The following SLC22A25 variants were observed in gnomAD, a reference collection of about 807,000 sequenced individuals.
The protein encoded by SLC22A25 is MGI:2442751, MGI:2385316, MGI:3042283, MGI:3645714, MGI:3605624, MGI:2442750.
In SLC22A25, 44 loss-of-function variants were observed where a neutral mutation model predicts 45.9. That is an observed-to-expected ratio of 0.96 (90% CI 0.75 to 1.23). The LOEUF is 1.23. Among genes scored for constraint, SLC22A25 ranks in the 50% most tolerant of loss-of-function variants. The pLI is 0.00. For synonymous variants in SLC22A25, 283 were observed against 238.6 expected (o/e 1.19, Z -1.72); for missense variants, 800 against 666.4 (o/e 1.20, Z -2.21).
At chr11:63,224,428 A>T (rs894453842) in intron 5 of SLC22A25, among the ~76,000 whole-genome samples, 2 of 152,054 alleles carry the variant, frequency 1.3e-5, no homozygotes, top group Non-Finnish European at 2.9e-5. Context: ...TTTACATTCA[A>T]TAATATTATT....
chr11:63,205,560 T>C (rs565092260), intron 7 of SLC22A25, among the ~76,000 whole-genome samples: 1 of 152,212 alleles, frequency 6.6e-6, no homozygotes, highest in East Asian at 1.9e-4. Context: ...CTAGATGAAA[T>C]GGATAAATTC....
rs2087538431 is a variant in SLC22A25 at position 63,161,906 on chromosome 11, T to C, written c.*1918A>G. On this transcript the variant is annotated 3_prime_UTR_variant, in exon 12 of 12. Transcript: ENST00000306494. ...CCACCAACAGTGTATGAGGGTTCCC[T>C]TTTCTCCACATTCTCACCAGCATTT... 6.6e-6 allele frequency among the ~76,000 whole-genome samples: 1 copy of C among 152,218 alleles called. No homozygotes were observed. Among genetic ancestry groups the C allele is most frequent in the Non-Finnish European group, 1.5e-5 (1 of 68,030 alleles).
chr11:63,171,511 A>G (rs1485477158), intron 9 of SLC22A25, among the ~76,000 whole-genome samples: 5 of 152,212 alleles, frequency 3.3e-5, no homozygotes, highest in African/African-American at 1.2e-4. Context: ...CTATTCATCA[A>G]CAATAGACAA....
chr11:63,218,805 T>C (rs759907622), intron 5 of SLC22A25, among the ~76,000 whole-genome samples: 1 of 152,216 alleles, frequency 6.6e-6, no homozygotes, highest in Non-Finnish European at 1.5e-5. Context: ...TGTAGACAAC[T>C]TGGACAATGT....
At chr11:63,166,660 A>C (rs930084617) in intron 9 of SLC22A25, 1 of 999,298 alleles carries the variant, frequency 1.0e-6, no homozygotes, top group African/African-American at 1.7e-5. Flanking sequence ...AGATCTAAGA[A>C]GCCAAAATTT....
intron 3 of SLC22A25, among the ~76,000 whole-genome samples, chr11:63,233,902 T>C (rs2090116892): frequency 6.6e-6 from 1 of 152,212 alleles, no homozygotes; most frequent in Non-Finnish European, 1.5e-5. Context: ...TACCCAGTAG[T>C]CATTCAGGAG....
intron 3 of SLC22A25, among the ~76,000 whole-genome samples, chr11:63,235,040 C>G (rs538379458): frequency 1.3e-5 from 2 of 152,162 alleles, no homozygotes; most frequent in Non-Finnish European, 1.5e-5. Context: ...TGTGGGTAAC[C>G]TGACCTTTCT....
intron 7 of SLC22A25, among the ~76,000 whole-genome samples, chr11:63,184,972 T>G (rs1454599012): frequency 6.6e-6 from 1 of 152,048 alleles, no homozygotes; most frequent in Non-Finnish European, 1.5e-5. Flanking sequence ...TGAAGTTCAC[T>G]GAGCTACAGG....
intron 9 of SLC22A25, among the ~76,000 whole-genome samples, chr11:63,169,636 C>T (rs976998528): frequency 6.6e-6 from 1 of 152,148 alleles, no homozygotes; most frequent in Admixed American, 6.5e-5. Context: ...TATATACACA[C>T]ACAACACAGG....
rs1565124349 is a variant in SLC22A25, at chr11:63,229,404, CAG to C, written c.247_248del (p.Leu83GlufsTer27). The C allele has an allele frequency of 1.2e-6, 2 of 1,614,092 alleles. No homozygotes were observed. Among genetic ancestry groups the C allele is most frequent in the Non-Finnish European group, 1.7e-6 (2 of 1,179,982 alleles). ...LRISIPFDSN[L>X]RPEKCRRFVH... is the part of the protein sequence containing the mutation. The stretch of plus-strand genomic sequence containing the variant: ...CAAAGCGACGACACTTCTCTGGCCT[CAG>C]ATTTGAGTCGAATGGGATGGAGATT... On this transcript the variant is annotated frameshift_variant, in exon 4 of 12. Transcript: ENST00000306494. LOFTEE classifies it high-confidence loss of function.
rs572648674 is a variant in SLC22A25 at position 63,169,829 on chromosome 11, A to G, written c.1071-3571T>C. On this transcript the variant is annotated intron_variant, in intron 9 of 11. Transcript: ENST00000306494. ...AAGTGGATCTCTAATAGACATCTACAGAACTCTCTACCCCAAATCAACAGA... is the reference window on the plus strand; with the variant it reads ...AAGTGGATCTCTAATAGACATCTACGGAACTCTCTACCCCAAATCAACAGA... Among the ~76,000 whole-genome samples the G allele has an allele frequency of 2.6e-5, 4 of 152,350 alleles. No individual in the cohort carries two copies. The South Asian group carries it at 8.3e-4, about 32-fold the overall frequency.
At chr11:63,166,570 A>G in intron 9 of SLC22A25, 2 of 1,046,530 alleles carry the variant, frequency 1.9e-6, no homozygotes, top group Non-Finnish European at 2.3e-6. Flanking sequence ...GGCATCAAAA[A>G]TCACTGCAAA....
intron 5 of SLC22A25, among the ~76,000 whole-genome samples, chr11:63,221,986 T>C (rs2089863369): frequency 1.3e-5 from 2 of 152,150 alleles, no homozygotes; most frequent in Admixed American, 1.3e-4. Flanking sequence ...TCCATTGGTC[T>C]ATGCATGTGT....
At chr11:63,218,775 T>C (rs891829441) in intron 5 of SLC22A25, among the ~76,000 whole-genome samples, 3 of 152,208 alleles carry the variant, frequency 2.0e-5, no homozygotes, top group African/African-American at 7.2e-5. Flanking sequence ...TTTATTATTT[T>C]CTGGGAAAGA....
chr11:63,210,328 T>C (rs1430587303), intron 7 of SLC22A25, among the ~76,000 whole-genome samples: 1 of 152,200 alleles, frequency 6.6e-6, no homozygotes. Context: ...CAGCTTGATT[T>C]ATAGCTGCTG....
chr11:63,183,578 G>C lies in SLC22A25; in HGVS notation c.954+116C>G, dbSNP rs575895125. The C allele has an allele frequency of 2.4e-5, 32 of 1,325,324 alleles. No homozygotes were observed. The African/African-American group carries it at 3.5e-4, about 14-fold the overall frequency. 82.1% of individuals were successfully genotyped at this position (1,325,324 alleles called of 1,614,324 possible). Reference sequence around the variant, plus strand: ...CCCATTGAGAATGATCGTGAGGTGAGATGACCCATAACTCTACCTGTGTTT... The same window carrying C: ...CCCATTGAGAATGATCGTGAGGTGACATGACCCATAACTCTACCTGTGTTT... On this transcript the variant is annotated intron_variant, in intron 8 of 11. Coordinates refer to ENST00000306494, the MANE Select transcript of SLC22A25 (RefSeq NM_199352.6).
rs1383672991 is a variant in SLC22A25, at chr11:63,180,861, A to T, written c.955-86T>A. On this transcript the variant is annotated intron_variant, in intron 8 of 11. Coordinates refer to ENST00000306494, the MANE Select transcript of SLC22A25 (RefSeq NM_199352.6). Reference sequence around the variant, plus strand: ...AGGACTTGTCAACCAACAGATGACAAGATAGATGACATCCCTTTCTGTCTA... The same window carrying T: ...AGGACTTGTCAACCAACAGATGACATGATAGATGACATCCCTTTCTGTCTA... 6 of 864,778 alleles carry T rather than the reference A, an allele frequency of 6.9e-6. No homozygotes were observed. The East Asian group carries it at 1.5e-4, about 22-fold the overall frequency. 53.6% of individuals were successfully genotyped at this position (864,778 alleles called of 1,614,324 possible). A position where few individuals can be genotyped will look rare whatever the true frequency, so the allele number is the denominator to read the frequency against.
At position 63,217,343 on chromosome 11, in the gene SLC22A25, T is replaced by C. The variant is rs1437498539; in HGVS notation, c.801A>G (p.Ala267=). Reference sequence around the variant, plus strand: ...AGAACAGAAAGAAGACAAAGCATGGTGCAGACATCACCAACTGGAGGATGC... The same window carrying C: ...AGAACAGAAAGAAGACAAAGCATGGCGCAGACATCACCAACTGGAGGATGC... ...DQCILQLVMS[A]PCFVFFLFSR... The change falls in exon 7 of 12, where the codon GCA becomes GCG. Residue 267 remains alanine, a synonymous_variant. Transcript: ENST00000306494. 1.9e-6 allele frequency: 3 copies of C among 1,613,940 alleles called. No homozygotes were observed. Among genetic ancestry groups the C allele is most frequent in the Non-Finnish European group, 8.5e-7 (1 of 1,179,978 alleles).
At position 63,184,573 on chromosome 11, in the gene SLC22A25, C is replaced by T. The variant is rs558519871; in HGVS notation, c.831-756G>A. ...AGCACAGGACAAGATGTAAATTGTT[C>T]GTTTTGCCTTTATGTTTTTAACTGG... On this transcript the variant is annotated intron_variant, in intron 7 of 11. Transcript: ENST00000306494. Among the ~76,000 whole-genome samples the T allele has an allele frequency of 4.6e-5, 7 of 152,178 alleles. No homozygotes were observed. In the South Asian group the frequency reaches 1.0e-3, roughly 23 times the overall value.
Sources: allele counts gnomAD v4.1 joint callset (sites outside exome capture counted in the v4.1 genomes callset), GRCh38; gene constraint gnomAD v4.1.1; transcripts MANE v1.5; gene names NCBI Gene and HGNC (gene_info 2026-07-23, HGNC 2026-07-21).